Variants in KIF13A observed in about 807,000 individuals in gnomAD.
The protein encoded by KIF13A is kinesin-like protein KIF13A.
KIF13A carries 79 observed loss-of-function variants against 212.2 expected under a neutral mutation model. The observed-to-expected ratio is 0.37, with a 90% CI of 0.31 to 0.45. The LOEUF is 0.45. Ranked by LOEUF, KIF13A falls within the 20% of genes least tolerant of loss-of-function variation. The pLI, the probability that KIF13A is intolerant of heterozygous loss-of-function variation, is 1.00. For synonymous variants in KIF13A, 789 were observed against 808.6 expected, an observed-to-expected ratio of 0.98 and a Z score of 0.41; for missense variants, 1,901 against 2,209.0, an observed-to-expected ratio of 0.86 and a Z score of 2.79.
chr6:17,792,039 C>T (rs988907670), intron 25 of KIF13A, among the ~76,000 whole-genome samples: 57 of 151,680 alleles, frequency 3.8e-4, no homozygotes, highest in East Asian at 3.9e-4. Flanking sequence ...CCTATCTCTA[C>T]TAAAAATACA....
Position 17,771,240 on chromosome 6 carries a change from GATGCA to G in KIF13A, c.4477-27_4477-23del. 6.6e-7 allele frequency: 1 copy of G among 1,523,780 alleles called. No homozygotes were observed. The highest frequency in any genetic ancestry group is 9.1e-7 in the Non-Finnish European group (1 of 1,102,434). 94.4% of individuals were successfully genotyped at this position (1,523,780 alleles called of 1,614,324 possible). A position where few individuals can be genotyped will look rare whatever the true frequency, so the allele number is the denominator to read the frequency against. ...TGCTCTGCAAAGGTTAAGACACACAGATGCATCACACACAAAGACGACAACGGCCA... is the reference window on the plus strand; with the variant it reads ...TGCTCTGCAAAGGTTAAGACACACAGTCACACACAAAGACGACAACGGCCA... On this transcript the variant is annotated intron_variant, in intron 37 of 38. Coordinates refer to ENST00000259711, the MANE Select transcript of KIF13A (RefSeq NM_022113.6). This position sits in a 1 kb window ranked among gnomAD's most constrained non-coding sequence, Gnocchi z 5.4.
chr6:17,890,019 T>A (rs1224825568), intron 3 of KIF13A, among the ~76,000 whole-genome samples: 1 of 151,806 alleles, frequency 6.6e-6, no homozygotes, highest in Non-Finnish European at 1.5e-5. Context: ...AAAAACCCTG[T>A]CTTTACTAAA....
At chr6:17,986,057 C>T (rs1328278937) in intron 2 of KIF13A, among the ~76,000 whole-genome samples, 1 of 152,210 alleles carries the variant, frequency 6.6e-6, no homozygotes, top group African/African-American at 2.4e-5. Flanking sequence ...AATAATGTCA[C>T]AAACCCTGCT....
At chr6:17,893,832 C>CT (rs139288852) in intron 3 of KIF13A, among the ~76,000 whole-genome samples, 1,312 of 77,258 alleles carry the variant, frequency 0.017, 42 homozygotes, top group East Asian at 0.058. Context: ...TTTCCTGCAT[C>CT]TTTTTTTTTT....
At chr6:17,965,320 T>A (rs760716469) in intron 2 of KIF13A, among the ~76,000 whole-genome samples, 14,653 of 152,260 alleles carry the variant, frequency 0.096, 886 homozygotes, top group African/African-American at 0.17. Flanking sequence ...CATACAACCA[T>A]CTAGCCATAC....
chr6:17,984,585 G>GTT lies in KIF13A; in HGVS notation c.146+2467_146+2468dup, dbSNP rs539268621. The GTT allele has an allele frequency of 3.9e-3, 3,189 of 811,200 alleles. No homozygotes were observed. Among genetic ancestry groups the GTT allele is most frequent in the Middle Eastern group, 5.0e-3 (8 of 1,596 alleles). The allele number at this position is 811,200 out of a possible 1,614,324, so 50.3% of individuals were successfully genotyped here. ...GAAACAATGAAAGCTGACCCCATCT[G>GTT]TTTTTTTTTTTTTTCCCTGGACGTC... On this transcript the variant is annotated intron_variant, in intron 2 of 38. Coordinates refer to ENST00000259711, the MANE Select transcript of KIF13A (RefSeq NM_022113.6). This position sits in a 1 kb window ranked among gnomAD's most constrained non-coding sequence, Gnocchi z 5.0.
intron 22 of KIF13A, among the ~76,000 whole-genome samples, chr6:17,797,251 G>T (rs912563616): frequency 6.6e-6 from 1 of 151,812 alleles, no homozygotes; most frequent in Non-Finnish European, 1.5e-5. Context: ...CGATGGTCTC[G>T]ATCTCCTGAC....
chr6:17,910,249 A>C (rs973078902), intron 2 of KIF13A, among the ~76,000 whole-genome samples: 5 of 152,256 alleles, frequency 3.3e-5, no homozygotes, highest in Non-Finnish European at 7.3e-5. Context: ...TATTACCCAT[A>C]TCGCTAGCTA....
chr6:17,778,390 C>T (rs1036041339), intron 33 of KIF13A, among the ~76,000 whole-genome samples: 2 of 152,016 alleles, frequency 1.3e-5, no homozygotes, highest in African/African-American at 4.8e-5. Flanking sequence ...TAATCAACAC[C>T]TCCCCCAATA....
chr6:17,961,364 C>T lies in KIF13A; in HGVS notation c.146+25690G>A, dbSNP rs1459677984. On this transcript the variant is annotated intron_variant, in intron 2 of 38. Transcript: ENST00000259711. The surrounding 1 kb of genome is among the most constrained non-coding windows in gnomAD (Gnocchi z 4.1). The stretch of plus-strand genomic sequence containing the variant: ...ATAATAAATAAGTTATTAAGATAGG[C>T]AATAAATCATGTCCCAGCATGAAAG... Among the ~76,000 whole-genome samples, 3 of 152,098 alleles carry T rather than the reference C, an allele frequency of 2.0e-5. No individual in the cohort carries two copies. Among genetic ancestry groups the T allele is most frequent in the East Asian group, 1.9e-4 (1 of 5,194 alleles).
At chr6:17,790,708 C>T (rs1314774240) in intron 25 of KIF13A, among the ~76,000 whole-genome samples, 1 of 152,160 alleles carries the variant, frequency 6.6e-6, no homozygotes, top group African/African-American at 2.4e-5. Flanking sequence ...AGGTCTCCAA[C>T]CTCAGCTGTC....
In KIF13A at chr6:17,849,280, T is replaced by TA; in HGVS notation, c.830+96dup. On this transcript the variant is annotated intron_variant, in intron 9 of 38. Transcript: ENST00000259711. The surrounding 1 kb of genome is among the most constrained non-coding windows in gnomAD (Gnocchi z 5.7). ...CAGTTTACTAAAGCTATACAGACTT[T>TA]AAACAACCTGTACATCAGAACCATC... is the stretch of plus-strand genomic sequence containing the variant. The TA allele has an allele frequency of 1.2e-6, 1 of 802,930 alleles. No individual in the cohort carries two copies. Among genetic ancestry groups the TA allele is most frequent in the Non-Finnish European group, 2.0e-6 (1 of 497,740 alleles). The allele number at this position is 802,930 out of a possible 1,614,324, so 49.7% of individuals were successfully genotyped here.
intron 19 of KIF13A, among the ~76,000 whole-genome samples, 175 bp from the exon 20 acceptor site, chr6:17,804,685 C>T (rs756106540): frequency 1.9e-4 from 29 of 151,466 alleles, no homozygotes; most frequent in Non-Finnish European, 3.2e-4. Flanking sequence ...TGGTGGCGCA[C>T]GCCTGTGGTC....
At chr6:17,873,568 T>A (rs975495244) in intron 3 of KIF13A, 131 bp from the exon 4 acceptor site, 2 of 641,030 alleles carry the variant, frequency 3.1e-6, no homozygotes, top group Non-Finnish European at 5.3e-6. Context: ...TCACTATAGG[T>A]TTGGTGCTTT....
intron 4 of KIF13A, among the ~76,000 whole-genome samples, chr6:17,858,112 T>TGC (rs1491243123): frequency 7.6e-5 from 10 of 132,098 alleles, no homozygotes; most frequent in African/African-American, 2.7e-4. Context: ...TGTGTGTGTG[T>TGC]GCATGCACGC....
chr6:17,770,006 A>G (rs1468227315), intron 38 of KIF13A, among the ~76,000 whole-genome samples: 1 of 152,154 alleles, frequency 6.6e-6, no homozygotes, highest in Non-Finnish European at 1.5e-5. Flanking sequence ...CTTTCTTCAC[A>G]TTAGGAATGA....
At chr6:17,983,004 A>C (rs1781222427) in intron 2 of KIF13A, among the ~76,000 whole-genome samples, 1 of 151,950 alleles carries the variant, frequency 6.6e-6, no homozygotes. Flanking sequence ...CCCCGTCTCT[A>C]CTAAAAATAC....
chr6:17,914,293 T>G lies in KIF13A; in HGVS notation c.147-16113A>C, dbSNP rs1195071751. The stretch of plus-strand genomic sequence containing the variant: ...TCACTAAAAAAGTGATGCTCTCTCT[T>G]CTGAAAGTCTTTAAAATATGCTGCC... On this transcript the variant is annotated intron_variant, in intron 2 of 38. Coordinates refer to ENST00000259711, the MANE Select transcript of KIF13A (RefSeq NM_022113.6). This position sits in a 1 kb window ranked among gnomAD's most constrained non-coding sequence, Gnocchi z 5.9. Among the ~76,000 whole-genome samples the G allele has an allele frequency of 4.6e-5, 7 of 152,232 alleles. No individual in the cohort carries two copies. The highest frequency in any genetic ancestry group is 1.0e-4 in the Non-Finnish European group (7 of 68,044).
In KIF13A at chr6:17,828,133, A is replaced by T. The variant is rs764543667; in HGVS notation, c.1532+107T>A. On this transcript the variant is annotated intron_variant, in intron 14 of 38. Transcript: ENST00000259711. The surrounding 1 kb of genome is among the most constrained non-coding windows in gnomAD (Gnocchi z 4.3). ...AAGCAAGGGCCCCCTGAGGACCCCC[A>T]TGTATCCTTAACTTTAATATAGCTG... The T allele has an allele frequency of 1.5e-5, 17 of 1,122,396 alleles. No homozygotes were observed. Among genetic ancestry groups the T allele is most frequent in the Non-Finnish European group, 2.0e-5 (16 of 798,714 alleles). The allele number at this position is 1,122,396 out of a possible 1,614,324, so 69.5% of individuals were successfully genotyped here. A position where few individuals can be genotyped will look rare whatever the true frequency, so the allele number is the denominator to read the frequency against.
Sources: allele counts gnomAD v4.1 joint callset (sites outside exome capture counted in the v4.1 genomes callset), GRCh38; gene constraint gnomAD v4.1.1; non-coding constraint Gnocchi (gnomAD v3.1); transcripts MANE v1.5; gene names NCBI Gene and HGNC (gene_info 2026-07-23, HGNC 2026-07-21).